The following VPS13B variants were observed in gnomAD, a reference collection of about 807,000 sequenced individuals.
VPS13B encodes the protein vacuolar protein sorting 13 homolog B.
A neutral mutation model predicts 426.4 loss-of-function variants in VPS13B; 285 were observed. That is an observed-to-expected ratio of 0.67 (90% CI 0.61 to 0.74). The LOEUF (loss-of-function observed/expected upper bound fraction) is 0.74. Among genes scored for constraint, VPS13B ranks in the 30% least tolerant of loss-of-function variants. The probability of loss-of-function intolerance (pLI) is 0.00; values close to 1 mark genes in which losing one functional copy is unlikely to be tolerated. For synonymous variants in VPS13B, 1,676 were observed against 1,676.4 expected, an observed-to-expected ratio of 1.00 and a Z score of 0.01; for missense variants, 4,537 against 4,782.6, an observed-to-expected ratio of 0.95 and a Z score of 1.51.
intron 3 of VPS13B, among the ~76,000 whole-genome samples, chr8:99,066,151 C>A (rs535714836): frequency 9.2e-5 from 14 of 152,046 alleles, no homozygotes; most frequent in Admixed American, 7.8e-4. Context: ...GAAAAAACTA[C>A]TTTAAAGTTC....
chr8:99,319,566 A>G (rs1462012294), intron 19 of VPS13B, among the ~76,000 whole-genome samples: 2 of 152,304 alleles, frequency 1.3e-5, no homozygotes, highest in Admixed American at 6.5e-5. Flanking sequence ...GAACAACTTC[A>G]TTATTCTTGG....
At chr8:99,688,902 G>C (rs2130062786) in intron 35 of VPS13B, among the ~76,000 whole-genome samples, 1 of 152,164 alleles carries the variant, frequency 6.6e-6, no homozygotes, top group East Asian at 1.9e-4. Flanking sequence ...GTTATGGGAA[G>C]GGATAGAACA....
At chr8:99,731,375 C>T (rs1439263963) in intron 39 of VPS13B, among the ~76,000 whole-genome samples, 1 of 152,128 alleles carries the variant, frequency 6.6e-6, no homozygotes, top group Non-Finnish European at 1.5e-5. Context: ...AAATGAGGTT[C>T]TGAGAAAAAT....
chr8:99,828,420 T>G (rs1454165440), intron 51 of VPS13B, among the ~76,000 whole-genome samples: 13 of 119,418 alleles, frequency 1.1e-4, no homozygotes, highest in African/African-American at 3.9e-4. Context: ...TTTTTTTTTT[T>G]TTTTTTTTTT....
chr8:99,499,071 T>C (rs1821090482), intron 25 of VPS13B, among the ~76,000 whole-genome samples: 1 of 152,042 alleles, frequency 6.6e-6, no homozygotes, highest in Non-Finnish European at 1.5e-5. Context: ...CAAAGATAAA[T>C]TCACCTAGGA....
rs191732599 is a variant in VPS13B at position 99,267,448 on chromosome 8, G to A, written c.2516-6750G>A. On this transcript the variant is annotated intron_variant, in intron 17 of 61. Coordinates refer to ENST00000357162, the MANE Select transcript of VPS13B (RefSeq NM_152564.5). ...ATTATGCGATAGAAAAGAAAAACCC[G>A]GCTGGACACGATGGCTCATGCCTGT... Among the ~76,000 whole-genome samples the A allele has an allele frequency of 3.9e-5, 6 of 152,194 alleles. 1 individual carries two copies. Among genetic ancestry groups the A allele is most frequent in the Admixed American group, 2.0e-4 (3 of 15,280 alleles).
chr8:99,458,090 C>T (rs1329416412), intron 23 of VPS13B, among the ~76,000 whole-genome samples: 2 of 148,034 alleles, frequency 1.4e-5, no homozygotes, highest in African/African-American at 5.1e-5. Context: ...ACAACAGGCC[C>T]CGGTGTGTGA....
At chr8:99,073,509 C>T (rs929087703) in intron 3 of VPS13B, among the ~76,000 whole-genome samples, 2 of 151,788 alleles carry the variant, frequency 1.3e-5, no homozygotes, top group Non-Finnish European at 2.9e-5. Flanking sequence ...GCATTGCTTT[C>T]TTGAGTTCTT....
At chr8:99,522,812 T>C (rs915616640) in intron 30 of VPS13B, among the ~76,000 whole-genome samples, 11 of 152,238 alleles carry the variant, frequency 7.2e-5, no homozygotes, top group Non-Finnish European at 1.3e-4. Flanking sequence ...AAGGTATTCA[T>C]ATAAGAGTTT....
intron 35 of VPS13B, among the ~76,000 whole-genome samples, chr8:99,691,178 G>A (rs1831638977): frequency 6.6e-6 from 1 of 151,928 alleles, no homozygotes. Context: ...GAGACAGAAA[G>A]AAAATTAGTG....
intron 3 of VPS13B, among the ~76,000 whole-genome samples, chr8:99,066,604 T>C (rs986261213): frequency 6.6e-6 from 1 of 152,214 alleles, no homozygotes; most frequent in Non-Finnish European, 1.5e-5. Context: ...AAGGACTTCA[T>C]GTCTAAAACA....
chr8:99,506,817 A>G (rs1821522663), intron 27 of VPS13B, among the ~76,000 whole-genome samples: 1 of 152,250 alleles, frequency 6.6e-6, no homozygotes, highest in Non-Finnish European at 1.5e-5. Flanking sequence ...TGATTGTGCC[A>G]TTGCACTCCA....
intron 25 of VPS13B, among the ~76,000 whole-genome samples, chr8:99,497,208 A>AAT (rs1204044025): frequency 2.2e-5 from 3 of 138,086 alleles, no homozygotes; most frequent in African/African-American, 5.4e-5. Flanking sequence ...TTATATATTT[A>AAT]ATATATATAA....
chr8:99,349,969 CAT>C (rs1394206645), intron 19 of VPS13B, among the ~76,000 whole-genome samples: 4 of 152,158 alleles, frequency 2.6e-5, no homozygotes, highest in South Asian at 2.1e-4. Context: ...AGAAATCACA[CAT>C]ATAAAATTGC....
At chr8:99,154,206 G>A (rs1811230662) in intron 14 of VPS13B, among the ~76,000 whole-genome samples, 1 of 148,508 alleles carries the variant, frequency 6.7e-6, no homozygotes, top group Non-Finnish European at 1.5e-5. Flanking sequence ...TGAGTTTCCT[G>A]GGTTTCTAAT....
chr8:99,403,541 T>G (rs1442388252), intron 21 of VPS13B, among the ~76,000 whole-genome samples: 1 of 140,430 alleles, frequency 7.1e-6, no homozygotes, highest in African/African-American at 2.7e-5. Context: ...AGAGCAAGAC[T>G]CTGTCTCAAA....
At chr8:99,434,483 T>C (rs1817273830) in intron 22 of VPS13B, among the ~76,000 whole-genome samples, 1 of 152,222 alleles carries the variant, frequency 6.6e-6, no homozygotes, top group African/African-American at 2.4e-5. Context: ...TTTGTGGTGA[T>C]TTCTTATATA....
intron 40 of VPS13B, among the ~76,000 whole-genome samples, chr8:99,769,478 T>C (rs1315402778): frequency 6.6e-6 from 1 of 152,152 alleles, no homozygotes; most frequent in African/African-American, 2.4e-5. Context: ...TGATTAGAGA[T>C]TGTCTTATAA....
intron 59 of VPS13B, among the ~76,000 whole-genome samples, chr8:99,870,113 TTTA>T (rs1817317463): frequency 6.6e-6 from 1 of 152,262 alleles, no homozygotes; most frequent in Non-Finnish European, 1.5e-5. Context: ...CTGTGTGTTT[TTTA>T]TTTTTTGACT....
Sources: gnomAD v4.1 joint callset for allele counts (sites outside exome capture counted in the v4.1 genomes callset) on GRCh38, gnomAD v4.1.1 for gene constraint, MANE v1.5 for transcripts, NCBI Gene and HGNC (gene_info 2026-07-23, HGNC 2026-07-21) for gene names.